The following C5 variants were observed in gnomAD, a reference collection of about 807,000 sequenced individuals.
C5 encodes C3 and PZP-like alpha-2-macroglobulin domain-containing protein 4.
A neutral mutation model predicts 218.8 loss-of-function variants in C5; 140 were observed. The observed-to-expected ratio is 0.64, with a 90% CI of 0.56 to 0.74. The LOEUF (loss-of-function observed/expected upper bound fraction) is 0.74. Ranked by LOEUF, C5 falls within the 30% of genes least tolerant of loss-of-function variation. The pLI, the probability that C5 is intolerant of heterozygous loss-of-function variation, is 0.00. For missense variants in C5, 1,700 were observed against 1,969.6 expected, an observed-to-expected ratio of 0.86 and a Z score of 2.59; for synonymous variants, 614 against 682.3, an observed-to-expected ratio of 0.90 and a Z score of 1.56.
intron 28 of C5, among the ~76,000 whole-genome samples, chr9:120,978,509 C>T (rs932682345): frequency 6.6e-6 from 1 of 152,032 alleles, no homozygotes; most frequent in African/African-American, 2.4e-5. Context: ...CTCACAATAC[C>T]CAAGACATTT....
chr9:121,008,612 A>G, intron 17 of C5, 114 bp from the exon 18 acceptor site: 1 of 806,868 alleles, frequency 1.2e-6, no homozygotes, highest in South Asian at 1.4e-5. Flanking sequence ...AAGGTAAATA[A>G]AACATTTTGT....
the C5 span, among the ~76,000 whole-genome samples, chr9:121,061,006 G>A: frequency 6.6e-6 from 1 of 152,160 alleles, no homozygotes; most frequent in East Asian, 1.9e-4. Flanking sequence ...TGGCCAACAC[G>A]GTAAAACCTT....
intron 1 of C5, among the ~76,000 whole-genome samples, chr9:121,046,985 C>T (rs532336619): frequency 5.5e-4 from 84 of 151,990 alleles, no homozygotes; most frequent in South Asian, 1.7e-3. Context: ...AAACGGATAA[C>T]GGAAAGGATA....
intron 40 of C5, among the ~76,000 whole-genome samples, chr9:120,953,098 G>T (rs1291430323): frequency 6.6e-6 from 1 of 152,050 alleles, no homozygotes; most frequent in African/African-American, 2.4e-5. Context: ...TATTTTTTTT[G>T]TATTTTTAGT....
At chr9:120,954,001 G>A (rs2131659022) in intron 39 of C5, 133 bp from the exon 40 acceptor site, 2 of 888,970 alleles carry the variant, frequency 2.2e-6, no homozygotes, top group East Asian at 4.9e-5. Flanking sequence ...TATCCATGTG[G>A]TTAAGGCTTC....
Position 120,980,153 on chromosome 9 carries a change from G to A in C5, c.3588C>T (p.Ser1196=). 6.2e-7 allele frequency: 1 copy of A among 1,614,098 alleles called. No individual in the cohort carries two copies. Among genetic ancestry groups the A allele is most frequent in the Non-Finnish European group, 8.5e-7 (1 of 1,179,974 alleles). ...ACTGTGGGTGAGTTTTATCTCCCAG[G>A]GAAAGAGCATACGCAGAAATGGCCA... is the stretch of plus-strand genomic sequence containing the variant. ...FTLAISAYAL[S]LGDKTHPQFR... Residue 1196 remains serine (S), a synonymous_variant, in exon 28 of 41, where the codon TCC becomes TCT. Transcript: ENST00000223642.
At position 120,982,818 on chromosome 9, in the gene C5, T is replaced by G. The variant is rs777774046; in HGVS notation, c.3231-4A>C. 4.6e-6 allele frequency: 7 copies of G among 1,520,526 alleles called. No homozygotes were observed. The Admixed American group carries it at 1.2e-4, about 26-fold the overall frequency. 94.2% of individuals were successfully genotyped at this position (1,520,526 alleles called of 1,614,324 possible). ...TCTTAAAGCAAAAGCTGTTAACCTT[T>G]AAGACAAAATCAAATAAATAAATAT... On this transcript the variant is annotated splice_region_variant and splice_polypyrimidine_tract_variant and intron_variant, in intron 25 of 40. Coordinates refer to ENST00000223642, the MANE Select transcript of C5 (RefSeq NM_001735.3).
In C5 at chr9:120,981,207, A is replaced by G. The variant is rs545808571; in HGVS notation, c.3486+637T>C. Among the ~76,000 whole-genome samples the G allele has an allele frequency of 7.2e-5, 11 of 152,328 alleles. No homozygotes were observed. In the East Asian group the frequency reaches 2.1e-3, roughly 29 times the overall value. On this transcript the variant is annotated intron_variant, in intron 27 of 40. Transcript: ENST00000223642. ...CCATGTGGCCACTAGGTGCCTGGGA[A>G]CTAGTCTTCATTGATTATTTTGTCT...
chr9:121,072,557 A>T, the C5 span, among the ~76,000 whole-genome samples: 6 of 152,344 alleles, frequency 3.9e-5, no homozygotes, highest in Admixed American at 3.3e-4. Context: ...CTGTAATCCC[A>T]GCACTTTGGG....
At chr9:120,982,584 C>T (rs2047003022) in intron 26 of C5, 71 bp downstream of exon 26, 2 of 1,206,996 alleles carry the variant, frequency 1.7e-6, no homozygotes, top group Admixed American at 1.8e-5. Context: ...TCTTCATCCT[C>T]CCATAATCAG....
chr9:121,030,301 T>C, intron 7 of C5, 96 bp downstream of exon 7: 1 of 662,322 alleles, frequency 1.5e-6, no homozygotes, highest in Non-Finnish European at 2.6e-6. Context: ...ACTTTGATAA[T>C]AAATCACAGA....
intron 27 of C5, among the ~76,000 whole-genome samples, chr9:120,980,601 T>C (rs2046985348): frequency 6.6e-6 from 1 of 152,106 alleles, no homozygotes; most frequent in African/African-American, 2.4e-5. Context: ...TTTTTTTTCT[T>C]TTTTTTTGAG....
chr9:121,072,812 T>TAAAAAAAAAAAAAA, the C5 span, among the ~76,000 whole-genome samples: 34 of 98,542 alleles, frequency 3.5e-4, no homozygotes, highest in Non-Finnish European at 4.1e-4. Flanking sequence ...TTCAAAAAAT[T>TAAAAAAAAAAAAAA]AAAAAAAAAA....
intron 27 of C5, among the ~76,000 whole-genome samples, chr9:120,980,537 A>C (rs1265857885): frequency 1.3e-5 from 2 of 152,114 alleles, no homozygotes; most frequent in Non-Finnish European, 2.9e-5. Flanking sequence ...TTCTGAGTAC[A>C]CCGTCAGACC....
At chr9:121,001,683 T>C (rs1034685750) in intron 20 of C5, among the ~76,000 whole-genome samples, 1 of 152,180 alleles carries the variant, frequency 6.6e-6, no homozygotes, top group Non-Finnish European at 1.5e-5. Flanking sequence ...GTTCATTGTA[T>C]GAATAAAAGA....
intron 9 of C5, 75 bp from the exon 10 acceptor site, chr9:121,023,594 A>G (rs1044365813): frequency 1.1e-5 from 9 of 832,876 alleles, no homozygotes; most frequent in African/African-American, 1.7e-5. Context: ...TTTCATCTCT[A>G]TATGTCTCCA....
chr9:120,962,574 C>T lies in C5; in HGVS notation c.4504+97G>A. On this transcript the variant is annotated intron_variant, in intron 36 of 40. Coordinates refer to ENST00000223642, the MANE Select transcript of C5 (RefSeq NM_001735.3). ...CATGAAGAGTGGTCCCTAAGAGAGG[C>T]AATACATAAAATTTACAGGACTCTA... 4.4e-6 allele frequency: 4 copies of T among 906,824 alleles called. No individual in the cohort carries two copies. In the South Asian group the frequency reaches 5.3e-5, roughly 12 times the overall value. 56.2% of individuals were successfully genotyped at this position (906,824 alleles called of 1,614,324 possible). A position where few individuals can be genotyped will look rare whatever the true frequency, so the allele number is the denominator to read the frequency against.
At position 121,016,335 on chromosome 9, in the gene C5, C is replaced by T; in HGVS notation, c.1915G>A (p.Gly639Ser). Reference protein sequence around the residue: ...KSDLGCGAGGGLNNANVFHLA... With the variant: ...KSDLGCGAGGSLNNANVFHLA... ...TGGAACACATTGGCATTGTTGAGGC[C>T]ACCACCTGCCCCACAGCCCAGATCA... The change falls in exon 15 of 41, where the codon GGC becomes AGC. Residue 639 changes from glycine to serine, a missense_variant. Coordinates refer to ENST00000223642, the MANE Select transcript of C5 (RefSeq NM_001735.3). 1 of 1,614,088 alleles carries T rather than the reference C, an allele frequency of 6.2e-7. No individual in the cohort carries two copies. The highest frequency in any genetic ancestry group is 1.3e-5 in the African/African-American group (1 of 75,020).
chr9:121,021,645 G>A lies in C5; in HGVS notation c.1166C>T (p.Thr389Ile). Residue 389 changes from threonine to isoleucine, a missense_variant, in exon 11 of 41, where the codon ACA (threonine) becomes ATA (isoleucine). Transcript: ENST00000223642. ...LDQLVGGVPV[T>I]LNAQTIDVNQ... ...TACATCAATTGTTTGTGCATTCAGT[G>A]TTACTGGGACTCCTCCTACCAACTG... The A allele has an allele frequency of 6.2e-7, 1 of 1,613,888 alleles. No individual in the cohort carries two copies. The highest frequency in any genetic ancestry group is 8.5e-7 in the Non-Finnish European group (1 of 1,179,844).
Sources: allele counts gnomAD v4.1 joint callset (sites outside exome capture counted in the v4.1 genomes callset), GRCh38; gene constraint gnomAD v4.1.1; transcripts MANE v1.5; gene names NCBI Gene and HGNC (gene_info 2026-07-23, HGNC 2026-07-21).